Variants in CACNA1A observed in about 807,000 individuals in gnomAD.
CACNA1A encodes voltage-dependent P/Q-type calcium channel subunit alpha-1A.
CACNA1A carries 57 observed loss-of-function variants against 262.4 expected under a neutral mutation model. The observed-to-expected ratio is 0.22, with a 90% confidence interval of 0.18 to 0.27. The LOEUF (loss-of-function observed/expected upper bound fraction) is 0.27, where lower values mean the gene tolerates loss of function less well. Ranked by LOEUF, CACNA1A falls within the 10% of genes least tolerant of loss-of-function variation. The pLI, the probability that CACNA1A is intolerant of heterozygous loss-of-function variation, is 1.00. For synonymous variants in CACNA1A, 1,431 were observed against 1,419.3 expected (o/e 1.01, Z -0.18); for missense variants, 2,526 against 3,562.8 (o/e 0.71, Z 7.41).
chr19:13,446,100 C>A (rs1374462736), intron 3 of CACNA1A, among the ~76,000 whole-genome samples: 1 of 151,944 alleles, frequency 6.6e-6, no homozygotes, highest in Non-Finnish European at 1.5e-5. Flanking sequence ...TAGTGTGAAA[C>A]CCCGTCTCTA....
chr19:13,210,865 G>A (rs928768482), intron 43 of CACNA1A: 12 of 622,038 alleles, frequency 1.9e-5, no homozygotes, highest in Admixed American at 2.6e-5. Flanking sequence ...GGGGCTGGGC[G>A]TCCTCTATTC....
chr19:13,486,171 A>G (rs1979954071), intron 1 of CACNA1A, among the ~76,000 whole-genome samples: 1 of 152,258 alleles, frequency 6.6e-6, no homozygotes, highest in African/African-American at 2.4e-5. Flanking sequence ...ACAAGAAAGC[A>G]AGCGAATGGT....
chr19:13,231,986 G>C (rs2055680082), intron 34 of CACNA1A, 126 bp from the exon 35 acceptor site: 1 of 828,076 alleles, frequency 1.2e-6, no homozygotes, highest in African/African-American at 1.7e-5. Flanking sequence ...GCCCCAGGTG[G>C]ACCACCTCCT....
rs138252071 is a variant in CACNA1A, at chr19:13,475,775, G to C, written c.294-20563C>G. Reference sequence around the variant, plus strand: ...TGAAGAGAAACATCAATGGAGGCAGGGGGCAGAAGGAACAAGGGAAAATAA... The same window carrying C: ...TGAAGAGAAACATCAATGGAGGCAGCGGGCAGAAGGAACAAGGGAAAATAA... On this transcript the variant is annotated intron_variant, in intron 1 of 46. Transcript: ENST00000360228. Among the ~76,000 whole-genome samples the C allele has an allele frequency of 2.0e-3, 301 of 152,260 alleles. 1 individual carries two copies. Among genetic ancestry groups the C allele is most frequent in the African/African-American group, 6.8e-3 (283 of 41,552 alleles).
At chr19:13,429,417 G>A (rs891529679) in intron 3 of CACNA1A, among the ~76,000 whole-genome samples, 2 of 147,942 alleles carry the variant, frequency 1.4e-5, no homozygotes, top group South Asian at 2.2e-4. Flanking sequence ...GGAGCGGGGG[G>A]AAGGGAGGGA....
chr19:13,439,108 A>ATT (rs939229748), intron 3 of CACNA1A, among the ~76,000 whole-genome samples: 40 of 137,190 alleles, frequency 2.9e-4, no homozygotes, highest in African/African-American at 6.7e-4. Flanking sequence ...TTGTCCTCAA[A>ATT]TTTTTTTTTT....
Position 13,308,630 on chromosome 19 carries a change from C to T in CACNA1A, c.1669-102G>A, listed in dbSNP as rs1211776972. On this transcript the variant is annotated intron_variant, in intron 12 of 46. Coordinates refer to ENST00000360228, the MANE Select transcript of CACNA1A (RefSeq NM_001127222.2). This position sits in a 1 kb window ranked among gnomAD's most constrained non-coding sequence, Gnocchi z 4.2. ...ACCTTGCAAGAACTCAACCAAACTC[C>T]TCCCTCCAAATGGAAGCCGGGTGAG... 1.5e-6 allele frequency: 1 copy of T among 664,346 alleles called. No homozygotes were observed. The highest frequency in any genetic ancestry group is 2.0e-5 in the South Asian group (1 of 48,966). 41.2% of individuals were successfully genotyped at this position (664,346 alleles called of 1,614,324 possible).
chr19:13,435,747 G>C (rs2060600914), intron 3 of CACNA1A, among the ~76,000 whole-genome samples: 1 of 152,176 alleles, frequency 6.6e-6, no homozygotes, highest in African/African-American at 2.4e-5. Flanking sequence ...ATGACTGTCT[G>C]ACTGCAGGGT....
chr19:13,253,453 T>TC (rs991125385), intron 29 of CACNA1A, among the ~76,000 whole-genome samples: 1 of 140,438 alleles, frequency 7.1e-6, no homozygotes, highest in African/African-American at 2.6e-5. Flanking sequence ...TACTTTTTTT[T>TC]TTTTTTTTTT....
chr19:13,456,164 T>TAATA (rs891852531), intron 1 of CACNA1A, among the ~76,000 whole-genome samples: 23 of 151,508 alleles, frequency 1.5e-4, no homozygotes, highest in African/African-American at 5.6e-4. Flanking sequence ...ATAAATAAAA[T>TAATA]AATAAATAAA....
At chr19:13,414,088 T>G (rs12151058) in intron 3 of CACNA1A, among the ~76,000 whole-genome samples, 46,853 of 151,358 alleles carry the variant, frequency 0.31, 7,555 homozygotes, top group East Asian at 0.4. Context: ...GCCAGGTGTG[T>G]TGGTGCCCGT....
At chr19:13,334,561 T>TGTGTGTGTGTGTGTGTGTGTG (rs2058525950) in intron 7 of CACNA1A, 68 bp from the exon 8 acceptor site, 1 of 277,648 alleles carries the variant, frequency 3.6e-6, no homozygotes, top group African/African-American at 3.4e-5. Context: ...GTGTGTGTGT[T>TGTGTGTGTGTGTGTGTGTGTG]TGTGTGTGTG....
At chr19:13,390,650 CT>C (rs1181441096) in intron 3 of CACNA1A, among the ~76,000 whole-genome samples, 2 of 152,108 alleles carry the variant, frequency 1.3e-5, no homozygotes, top group South Asian at 2.1e-4. Context: ...AAGTTAACCC[CT>C]GATCAATTTT....
chr19:13,218,451 G>T (rs142449369), intron 38 of CACNA1A, among the ~76,000 whole-genome samples: 3 of 152,194 alleles, frequency 2.0e-5, no homozygotes, highest in Non-Finnish European at 4.4e-5. Context: ...GGTGCGTGTT[G>T]TCACACACTG....
rs1164678494 is a variant in CACNA1A at position 13,469,460 on chromosome 19, C to CTT, written c.294-14250_294-14249dup. Among the ~76,000 whole-genome samples the CTT allele has an allele frequency of 5.0e-4, 31 of 62,234 alleles. 2 individuals carry two copies. The highest frequency in any genetic ancestry group is 7.5e-4 in the Non-Finnish European group (25 of 33,392). 40.8% of individuals were successfully genotyped at this position (62,234 alleles called of 152,430 possible). On this transcript the variant is annotated intron_variant, in intron 1 of 46. Coordinates refer to ENST00000360228, the MANE Select transcript of CACNA1A (RefSeq NM_001127222.2). ...CCAGCATCCTTGTCTTGAACCACCTCTTTTTTTTTTTTTTTTTTTTTTTTT... is the reference window on the plus strand; with the variant it reads ...CCAGCATCCTTGTCTTGAACCACCTCTTTTTTTTTTTTTTTTTTTTTTTTTTT...
intron 38 of CACNA1A, among the ~76,000 whole-genome samples, chr19:13,215,615 T>C (rs955412325): frequency 9.4e-5 from 12 of 127,160 alleles, no homozygotes; most frequent in Non-Finnish European, 1.6e-4. Flanking sequence ...CCACCGCGTC[T>C]GGCCTGTTTT....
intron 24 of CACNA1A, 134 bp downstream of exon 24, chr19:13,275,716 C>T (rs1424811363): frequency 2.9e-6 from 2 of 692,036 alleles, no homozygotes; most frequent in South Asian, 1.5e-5. Flanking sequence ...TGGTGGCATG[C>T]TGATATCTCC....
intron 31 of CACNA1A, among the ~76,000 whole-genome samples, chr19:13,240,339 G>A (rs1004891509): frequency 2.6e-5 from 4 of 152,040 alleles, no homozygotes; most frequent in African/African-American, 9.7e-5. Context: ...AATGCAGACT[G>A]TGTGTGCATG....
In CACNA1A at chr19:13,429,165, CGT is replaced by C. The variant is rs1329258538; in HGVS notation, c.539+23709_539+23710del. On this transcript the variant is annotated intron_variant, in intron 3 of 46. Coordinates refer to ENST00000360228, the MANE Select transcript of CACNA1A (RefSeq NM_001127222.2). ...TCCCCCTCCAGCCTCTATCACTGTG[CGT>C]ACACACACACACACACACACACACA... 4.2e-5 allele frequency among the ~76,000 whole-genome samples: 4 copies of C among 95,088 alleles called. No homozygotes were observed. The East Asian group carries it at 9.0e-4, about 21-fold the overall frequency. 62.4% of individuals were successfully genotyped at this position (95,088 alleles called of 152,430 possible).
Sources: gnomAD v4.1 joint callset for allele counts (sites outside exome capture counted in the v4.1 genomes callset) on GRCh38, gnomAD v4.1.1 for gene constraint, Gnocchi (gnomAD v3.1) non-coding constraint, MANE v1.5 for transcripts, NCBI Gene and HGNC (gene_info 2026-07-23, HGNC 2026-07-21) for gene names.